The following COBL variants were observed in gnomAD, a reference collection of about 807,000 sequenced individuals.
COBL encodes protein cordon-bleu.
COBL carries 51 observed loss-of-function variants against 98.8 expected under a neutral mutation model. The observed-to-expected ratio is 0.52, with a 90% CI of 0.41 to 0.65. The LOEUF (loss-of-function observed/expected upper bound fraction) is 0.65, where lower values mean the gene tolerates loss of function less well. COBL is among the 30% of genes least tolerant of loss of function. The pLI, the probability that COBL is intolerant of heterozygous loss-of-function variation, is 0.00. For synonymous variants in COBL, 634 were observed against 651.7 expected, an observed-to-expected ratio of 0.97 and a Z score of 0.41; for missense variants, 1,617 against 1,617.5, an observed-to-expected ratio of 1.00 and a Z score of 0.01.
chr7:51,040,164 C>CT (rs1485863997), intron 8 of COBL, among the ~76,000 whole-genome samples: 1 of 149,578 alleles, frequency 6.7e-6, no homozygotes, highest in African/African-American at 2.5e-5. Context: ...CTGAATATGT[C>CT]TAATTTGTCA....
intron 1 of COBL, among the ~76,000 whole-genome samples, chr7:51,301,560 G>A (rs1801969523): frequency 6.6e-6 from 1 of 152,168 alleles, no homozygotes. Context: ...CTTTCCTCCG[G>A]GACTTCCCTC....
At chr7:51,197,383 G>C (rs531923414) in intron 2 of COBL, among the ~76,000 whole-genome samples, 2 of 152,136 alleles carry the variant, frequency 1.3e-5, no homozygotes, top group South Asian at 4.2e-4. Context: ...TGGTCTGAGA[G>C]ATTGGTTGTT....
At chr7:51,110,275 C>T (rs1211228173) in intron 6 of COBL, among the ~76,000 whole-genome samples, 2 of 152,254 alleles carry the variant, frequency 1.3e-5, no homozygotes, top group African/African-American at 2.4e-5. Context: ...CTCCACCCTG[C>T]GCAGCCTCTG....
At chr7:51,266,978 A>G (rs1020218648) in intron 1 of COBL, among the ~76,000 whole-genome samples, 7 of 152,152 alleles carry the variant, frequency 4.6e-5, no homozygotes, top group East Asian at 3.8e-4. Flanking sequence ...TAAAAAGCAT[A>G]TAACATTGTA....
chr7:51,291,924 G>A (rs1158647859), intron 1 of COBL, among the ~76,000 whole-genome samples: 1 of 152,142 alleles, frequency 6.6e-6, no homozygotes, highest in East Asian at 1.9e-4. Flanking sequence ...ATTGCTGGGA[G>A]GCTGAAACAG....
intron 1 of COBL, among the ~76,000 whole-genome samples, chr7:51,316,010 G>T (rs937980311): frequency 3.9e-5 from 6 of 152,232 alleles, no homozygotes; most frequent in African/African-American, 1.4e-4. Context: ...GGCAGGGAGG[G>T]AGAGCTGCTG....
chr7:51,273,327 C>CAAAAAAA (rs953811880), intron 1 of COBL, among the ~76,000 whole-genome samples: 9 of 59,376 alleles, frequency 1.5e-4, no homozygotes, highest in African/African-American at 3.5e-4. Context: ...GACTCCATCT[C>CAAAAAAA]AAAAAAAAAA....
chr7:51,114,830 G>A (rs891538399), intron 6 of COBL, among the ~76,000 whole-genome samples: 1 of 152,170 alleles, frequency 6.6e-6, no homozygotes, highest in East Asian at 1.9e-4. Context: ...CTGAAGTATT[G>A]TATGGATTTG....
At chr7:51,287,443 A>G (rs1800474967) in intron 1 of COBL, among the ~76,000 whole-genome samples, 1 of 152,200 alleles carries the variant, frequency 6.6e-6, no homozygotes, top group Non-Finnish European at 1.5e-5. Flanking sequence ...ATACTAATAT[A>G]TAAGAATAGC....
chr7:51,239,777 C>T (rs1043642834), intron 1 of COBL, among the ~76,000 whole-genome samples: 3 of 152,130 alleles, frequency 2.0e-5, no homozygotes, highest in Non-Finnish European at 4.4e-5. Flanking sequence ...GGCTGGTTAA[C>T]GGTCATGGTA....
intron 5 of COBL, among the ~76,000 whole-genome samples, chr7:51,142,383 ATTTTT>A (rs10608547): frequency 5.9e-4 from 42 of 71,426 alleles, no homozygotes; most frequent in African/African-American, 1.8e-3. Flanking sequence ...CTGGTATTTG[ATTTTT>A]TTTTTTTTTT....
chr7:51,217,900 G>A (rs1425901147), intron 2 of COBL, among the ~76,000 whole-genome samples: 1 of 152,228 alleles, frequency 6.6e-6, no homozygotes, highest in Non-Finnish European at 1.5e-5. Flanking sequence ...TGGGGGGAAA[G>A]CCTATCGAAC....
chr7:51,019,408 T>C (rs912007123), intron 12 of COBL, among the ~76,000 whole-genome samples: 3 of 152,096 alleles, frequency 2.0e-5, no homozygotes, highest in Non-Finnish European at 4.4e-5. Flanking sequence ...CTAGAGAAAT[T>C]AGAGCTGTGG....
intron 1 of COBL, among the ~76,000 whole-genome samples, chr7:51,250,219 C>T (rs939305249): frequency 6.6e-6 from 1 of 152,168 alleles, no homozygotes; most frequent in African/African-American, 2.4e-5. Context: ...GTCCACCCCG[C>T]ACCAAACAGC....
intron 1 of COBL, among the ~76,000 whole-genome samples, chr7:51,274,516 T>A (rs1309722230): frequency 1.3e-5 from 2 of 152,154 alleles, no homozygotes; most frequent in Admixed American, 1.3e-4. Context: ...AAGGAAAGAA[T>A]TGTACCCCAC....
intron 12 of COBL, chr7:51,018,531 C>T (rs981282138): frequency 1.3e-5 from 2 of 152,112 alleles, no homozygotes; most frequent in Non-Finnish European, 2.9e-5. Flanking sequence ...ACATCTACTT[C>T]AAGCCTGTCC....
chr7:51,274,123 C>G (rs1241416379), intron 1 of COBL, among the ~76,000 whole-genome samples: 1 of 152,168 alleles, frequency 6.6e-6, no homozygotes, highest in African/African-American at 2.4e-5. Flanking sequence ...CCTTCCCCAG[C>G]ACAGGACCTG....
intron 7 of COBL, among the ~76,000 whole-genome samples, chr7:51,058,511 C>T (rs1202774069): frequency 6.6e-6 from 1 of 151,992 alleles, no homozygotes; most frequent in Non-Finnish European, 1.5e-5. Flanking sequence ...TATGATTGCA[C>T]TAATGCACTC....
rs1371622644 is a variant in COBL, at chr7:51,028,601, C to T, written c.2495G>A (p.Gly832Glu). The T allele has an allele frequency of 6.2e-7, 1 of 1,614,048 alleles. No homozygotes were observed. Among genetic ancestry groups the T allele is most frequent in the South Asian group, 1.1e-5 (1 of 91,070 alleles). ...HHEGRNPLGE[G>E]RNQPPTMGMG... Reference sequence around the variant, plus strand: ...GCCCATGGTGGGGGGCTGGTTTCTCCCCTCCCCTAGGGGGTTCCGGCCCTC... The same window carrying T: ...GCCCATGGTGGGGGGCTGGTTTCTCTCCTCCCCTAGGGGGTTCCGGCCCTC... The change falls in exon 10 of 13, where the codon GGG (glycine) becomes GAG (glutamate). Residue 832 changes from glycine (G) to glutamate (E), a missense_variant. Coordinates refer to ENST00000265136, the MANE Select transcript of COBL (RefSeq NM_015198.5).
Sources: allele counts gnomAD v4.1 joint callset (sites outside exome capture counted in the v4.1 genomes callset), GRCh38; gene constraint gnomAD v4.1.1; transcripts MANE v1.5; gene names NCBI Gene and HGNC (gene_info 2026-07-23, HGNC 2026-07-21).